The following DIAPH1 variants were observed in gnomAD, a reference collection of about 807,000 sequenced individuals.
DIAPH1 encodes diaphanous related formin 1.
In DIAPH1, 46 loss-of-function variants were observed where a neutral mutation model predicts 140.7. That is an observed-to-expected ratio of 0.33 (90% CI 0.26 to 0.42). DIAPH1 has a LOEUF of 0.42. DIAPH1 is among the 10% of genes least tolerant of loss of function. The pLI, the probability that DIAPH1 is intolerant of heterozygous loss-of-function variation, is 1.00. For missense variants in DIAPH1, 1,310 were observed against 1,558.7 expected (o/e 0.84, Z 2.69); for synonymous variants, 565 against 551.6 (o/e 1.02, Z -0.34).
chr5:141,537,304 A>C (rs556601328), intron 18 of DIAPH1, among the ~76,000 whole-genome samples: 1 of 151,772 alleles, frequency 6.6e-6, no homozygotes, highest in South Asian at 2.1e-4. Context: ...ACCAACATGA[A>C]GAAACCCTGT....
At chr5:141,600,432 GT>G (rs1668013670) in intron 1 of DIAPH1, among the ~76,000 whole-genome samples, 1 of 152,186 alleles carries the variant, frequency 6.6e-6, no homozygotes, top group Admixed American at 6.5e-5. Context: ...AAGTGTGTTT[GT>G]TTTAAGCTAG....
intron 1 of DIAPH1, among the ~76,000 whole-genome samples, chr5:141,612,843 CACAG>C (rs1210840502): frequency 2.6e-5 from 4 of 152,172 alleles, no homozygotes; most frequent in Non-Finnish European, 5.9e-5. Context: ...GAAAATAAAA[CACAG>C]ACAGATCTGA....
intron 1 of DIAPH1, among the ~76,000 whole-genome samples, chr5:141,589,913 T>C (rs967399833): frequency 2.0e-5 from 3 of 152,088 alleles, no homozygotes; most frequent in African/African-American, 7.2e-5. Context: ...ACGAGTATAG[T>C]AAATCTTTTT....
In DIAPH1 at chr5:141,516,519, A is replaced by C. The variant is rs927185230; in HGVS notation, c.*332T>G. On this transcript the variant is annotated 3_prime_UTR_variant, in exon 28 of 28. Transcript: ENST00000389054. ...CCATTAGAAAGTCAGGGCTGAGAAA[A>C]AGCAGGCTGGGCCTTGTCTGAGATG... 2.6e-6 allele frequency: 1 copy of C among 387,090 alleles called. No homozygotes were observed. Among genetic ancestry groups the C allele is most frequent in the Non-Finnish European group, 4.9e-6 (1 of 203,790 alleles). 24.0% of individuals were successfully genotyped at this position (387,090 alleles called of 1,614,324 possible).
At chr5:141,585,953 A>T (rs899985355) in intron 3 of DIAPH1, among the ~76,000 whole-genome samples, 5 of 152,208 alleles carry the variant, frequency 3.3e-5, no homozygotes, top group Admixed American at 2.6e-4. Flanking sequence ...TTATTTTTTT[A>T]AAATTACGGA....
intron 1 of DIAPH1, among the ~76,000 whole-genome samples, chr5:141,595,270 C>A (rs1176830932): frequency 6.6e-6 from 1 of 152,098 alleles, no homozygotes; most frequent in Non-Finnish European, 1.5e-5. Flanking sequence ...ATATGTCATT[C>A]ATGGATTGTA....
rs1016321184 is a variant in DIAPH1, at chr5:141,534,563, A to G, written c.2483-130T>C. 6 of 719,942 alleles carry G rather than the reference A, an allele frequency of 8.3e-6. 1 individual carries two copies. In the African/African-American group the frequency reaches 1.1e-4, roughly 13 times the overall value. 44.6% of individuals were successfully genotyped at this position (719,942 alleles called of 1,614,324 possible). A position where few individuals can be genotyped will look rare whatever the true frequency, so the allele number is the denominator to read the frequency against. On this transcript the variant is annotated intron_variant, in intron 18 of 27. Coordinates refer to ENST00000389054, the MANE Select transcript of DIAPH1 (RefSeq NM_005219.5). ...TATAATGGTCTATTGTATTCCTTCAAAACTAACCTCCTCTTCAACCAACCA... is the reference window on the plus strand; with the variant it reads ...TATAATGGTCTATTGTATTCCTTCAGAACTAACCTCCTCTTCAACCAACCA...
intron 1 of DIAPH1, among the ~76,000 whole-genome samples, chr5:141,594,581 A>G (rs2099899014): frequency 6.6e-6 from 1 of 152,148 alleles, no homozygotes; most frequent in African/African-American, 2.4e-5. Flanking sequence ...CGCCTCTACT[A>G]AAAATACAAA....
rs144474025 is a variant in DIAPH1 at position 141,528,067 on chromosome 5, C to T, written c.3149-370G>A. On this transcript the variant is annotated intron_variant, in intron 23 of 27. Coordinates refer to ENST00000389054, the MANE Select transcript of DIAPH1 (RefSeq NM_005219.5). ...GGAGATATACATAGAAATATAGAGG[C>T]GGGGGCAGAAATCTGTTCCAATTTC... Among the ~76,000 whole-genome samples the T allele has an allele frequency of 3.9e-3, 587 of 152,188 alleles. 5 individuals carry two copies. The highest frequency in any genetic ancestry group is 0.011 in the Admixed American group (167 of 15,282).
chr5:141,587,752 T>C (rs1222616899), intron 2 of DIAPH1, among the ~76,000 whole-genome samples: 1 of 152,216 alleles, frequency 6.6e-6, no homozygotes, highest in Non-Finnish European at 1.5e-5. Flanking sequence ...ATATATATTC[T>C]TCAAAATCCC....
chr5:141,553,312 A>AT (rs1320568293), intron 18 of DIAPH1, among the ~76,000 whole-genome samples: 7 of 150,562 alleles, frequency 4.6e-5, no homozygotes, highest in Non-Finnish European at 1.5e-5. Flanking sequence ...CAAAAAAACA[A>AT]CTTAAGAGAT....
At chr5:141,610,720 G>A (rs2099901699) in intron 1 of DIAPH1, among the ~76,000 whole-genome samples, 1 of 151,886 alleles carries the variant, frequency 6.6e-6, no homozygotes, top group South Asian at 2.1e-4. Context: ...AGAGTGCTGG[G>A]ATTACAGACA....
chr5:141,614,729 T>C (rs2099902386), intron 1 of DIAPH1, among the ~76,000 whole-genome samples: 2 of 152,078 alleles, frequency 1.3e-5, no homozygotes, highest in South Asian at 4.1e-4. Context: ...TAAGCTACCA[T>C]TCTGTCATCT....
At chr5:141,582,891 T>C (rs2099896988) in intron 6 of DIAPH1, among the ~76,000 whole-genome samples, 1 of 152,194 alleles carries the variant, frequency 6.6e-6, no homozygotes, top group South Asian at 2.1e-4. Context: ...CAAATGGATA[T>C]TACCCAGACC....
At chr5:141,543,147 T>G (rs1210509139) in intron 18 of DIAPH1, among the ~76,000 whole-genome samples, 1 of 151,690 alleles carries the variant, frequency 6.6e-6, no homozygotes, top group African/African-American at 2.4e-5. Flanking sequence ...AATCCTAATG[T>G]CCATCAACTG....
intron 1 of DIAPH1, chr5:141,618,543 G>A (rs2099903071): frequency 2.6e-6 from 1 of 385,454 alleles, no homozygotes; most frequent in Non-Finnish European, 4.8e-6. Context: ...ATATGCGGGC[G>A]GGAGGGCAGA....
At chr5:141,605,823 A>G (rs2099900837) in intron 1 of DIAPH1, among the ~76,000 whole-genome samples, 1 of 152,148 alleles carries the variant, frequency 6.6e-6, no homozygotes, top group South Asian at 2.1e-4. Context: ...TACATATCCT[A>G]CAGTGGCTTC....
At position 141,578,238 on chromosome 5, in the gene DIAPH1, G is replaced by A. The variant is rs372873909; in HGVS notation, c.1150C>T (p.Arg384Cys). The A allele has an allele frequency of 1.1e-5, 17 of 1,613,280 alleles. No individual in the cohort carries two copies. The highest frequency in any genetic ancestry group is 8.0e-5 in the African/African-American group (6 of 74,842). The change falls in exon 11 of 28, where the codon CGC becomes TGC. Residue 384 changes from arginine (R) to cysteine (C), a missense_variant. Transcript: ENST00000389054. Reference protein sequence around the residue: ...YDLKGRLDDIRMEMDDFNEVF... With the variant: ...YDLKGRLDDICMEMDDFNEVF... ...GCAAAAGGATATTCCATCTCCATGC[G>A]AATGTCATCCAGCCGTCCCTTCAGG...
chr5:141,523,881 C>T (rs1407812175), intron 27 of DIAPH1, among the ~76,000 whole-genome samples: 1 of 151,750 alleles, frequency 6.6e-6, no homozygotes, highest in Non-Finnish European at 1.5e-5. Context: ...AGCTCAGTTC[C>T]TTTGTTCCAA....
Sources: allele counts gnomAD v4.1 joint callset (sites outside exome capture counted in the v4.1 genomes callset), GRCh38; gene constraint gnomAD v4.1.1; transcripts MANE v1.5; gene names NCBI Gene and HGNC (gene_info 2026-07-23, HGNC 2026-07-21).